Variants in PODNL1 observed in about 807,000 individuals in gnomAD.
The protein encoded by PODNL1 is podocan like 1.
PODNL1 carries 50 observed loss-of-function variants against 45.1 expected under a neutral mutation model. That is an observed-to-expected ratio of 1.11 (90% CI 0.88 to 1.40). The LOEUF (loss-of-function observed/expected upper bound fraction) is 1.40. Ranked by LOEUF, PODNL1 falls within the 40% of genes most tolerant of loss-of-function variation. The pLI is 0.00. For missense variants in PODNL1, 788 were observed against 793.3 expected (o/e 0.99, Z 0.08); for synonymous variants, 406 against 372.5 (o/e 1.09, Z -1.04).
chr19:13,946,861 G>A (rs1166656446), intron 1 of PODNL1, among the ~76,000 whole-genome samples: 1 of 151,744 alleles, frequency 6.6e-6, no homozygotes, highest in African/African-American at 2.4e-5. Flanking sequence ...GACCATCCTG[G>A]CTAACATGGT....
upstream of PODNL1, among the ~76,000 whole-genome samples, chr19:13,941,363 CAA>C (rs775513538): frequency 3.9e-4 from 21 of 53,312 alleles, no homozygotes; most frequent in Middle Eastern, 0.022. Context: ...GACTCCGTCT[CAA>C]AAAAAAAAAA....
intron 1 of PODNL1, among the ~76,000 whole-genome samples, chr19:13,949,948 C>G (rs1298521818): frequency 6.6e-6 from 1 of 151,952 alleles, no homozygotes; most frequent in African/African-American, 2.4e-5. Context: ...GAAACCTCCA[C>G]CTCCCAGGTT....
At chr19:13,947,133 C>T (rs1972846140) in intron 1 of PODNL1, among the ~76,000 whole-genome samples, 1 of 139,748 alleles carries the variant, frequency 7.2e-6, no homozygotes, top group Admixed American at 7.7e-5. Context: ...TGCACCACTG[C>T]ACTCTAGCCT....
At chr19:13,947,387 A>G (rs1972858155) in intron 1 of PODNL1, among the ~76,000 whole-genome samples, 1 of 151,582 alleles carries the variant, frequency 6.6e-6, no homozygotes, top group Non-Finnish European at 1.5e-5. Flanking sequence ...AGGCTGACGC[A>G]GGAGAATCAC....
chr19:13,947,097 A>AGCCTGGTCAACAT, intron 1 of PODNL1, among the ~76,000 whole-genome samples: 1 of 140,856 alleles, frequency 7.1e-6, no homozygotes, highest in African/African-American at 2.6e-5. Context: ...TAATTGTTGT[A>AGCCTGGTCAACAT]GGCGGAGGTT....
intron 1 of PODNL1, chr19:13,952,661 G>T: frequency 1.6e-6 from 2 of 1,288,152 alleles, no homozygotes; most frequent in Non-Finnish European, 2.0e-6. Flanking sequence ...CCTGGAGCCG[G>T]AGTGGGGAGC....
rs901266235 is a variant in PODNL1 at position 13,937,699 on chromosome 19, G to A, written c.225+86C>T. On this transcript the variant is annotated intron_variant, in intron 2 of 9. Coordinates refer to ENST00000588872, the MANE Select transcript of PODNL1 (RefSeq NM_001370095.3). ...CAAGTGTGTTCCTATACCCCACCACGCTCCTCAGCTCTGGGGCACCCCTCC... is the reference window on the plus strand; with the variant it reads ...CAAGTGTGTTCCTATACCCCACCACACTCCTCAGCTCTGGGGCACCCCTCC... The A allele has an allele frequency of 1.3e-5, 16 of 1,266,948 alleles. No homozygotes were observed. The African/African-American group carries it at 1.3e-4, about 11-fold the overall frequency. 78.5% of individuals were successfully genotyped at this position (1,266,948 alleles called of 1,614,324 possible).
intron 1 of PODNL1, among the ~76,000 whole-genome samples, chr19:13,947,010 C>T (rs150172440): frequency 2.1e-5 from 3 of 144,868 alleles, no homozygotes; most frequent in African/African-American, 7.7e-5. Context: ...ATGATCACAC[C>T]ACTGCACTCC....
upstream of PODNL1, among the ~76,000 whole-genome samples, chr19:13,942,290 AC>A (rs1972680338): frequency 6.6e-6 from 1 of 152,050 alleles, no homozygotes; most frequent in African/African-American, 2.4e-5. Context: ...TGAACTCTGA[AC>A]TCTACTTGCA....
intron 1 of PODNL1, among the ~76,000 whole-genome samples, chr19:13,948,942 GAA>G (rs554640847): frequency 4.8e-5 from 6 of 126,194 alleles, no homozygotes; most frequent in Admixed American, 8.1e-5. Context: ...CTCTGTCTCA[GAA>G]AAAAAAAAAA....
intron 5 of PODNL1, 103 bp from the exon 6 acceptor site, chr19:13,934,513 G>C: frequency 9.1e-7 from 1 of 1,100,788 alleles, no homozygotes; most frequent in Non-Finnish European, 1.2e-6. Flanking sequence ...GTGTGTGTGT[G>C]TGTGTGTGTG....
rs767618376 is a variant in PODNL1, at chr19:13,934,498, A to AGTGTGTGT, written c.495-96_495-89dup. The AGTGTGTGT allele has an allele frequency of 6.0e-4, 591 of 980,336 alleles. 1 individual carries two copies. The highest frequency in any genetic ancestry group is 4.6e-3 in the African/African-American group (267 of 57,590). The allele number at this position is 980,336 out of a possible 1,614,324, so 60.7% of individuals were successfully genotyped here. The stretch of plus-strand genomic sequence containing the variant: ...CCACACCCTGCTCAGGGTCGCCTTC[A>AGTGTGTGT]GTGTGTGTGTGTGTGTGTGTGTGTG... On this transcript the variant is annotated intron_variant, in intron 5 of 9. Coordinates refer to ENST00000588872, the MANE Select transcript of PODNL1 (RefSeq NM_001370095.3).
chr19:13,936,362 C>CA lies in PODNL1; in HGVS notation c.319+4_319+5insT. The CA allele has an allele frequency of 6.2e-7, 1 of 1,610,730 alleles. No individual in the cohort carries two copies. The highest frequency in any genetic ancestry group is 8.5e-7 in the Non-Finnish European group (1 of 1,177,144). Reference sequence around the variant, plus strand: ...CAGAGAGGCCGCCTCCCTCTGCCCCCTCACCTTCGGAGGAGATGAGGTTGT... The same window carrying CA: ...CAGAGAGGCCGCCTCCCTCTGCCCCCATCACCTTCGGAGGAGATGAGGTTGT... On this transcript the variant is annotated splice_donor_region_variant and intron_variant, in intron 3 of 9. Transcript: ENST00000588872.
chr19:13,945,935 C>T (rs1030565850), intron 1 of PODNL1, among the ~76,000 whole-genome samples: 17 of 150,796 alleles, frequency 1.1e-4, no homozygotes, highest in Admixed American at 2.6e-4. Flanking sequence ...GTGGTGCATG[C>T]GTGTAGTTCC....
At position 13,931,668 on chromosome 19, in the gene PODNL1, G is replaced by A. The variant is rs992023876; in HGVS notation, c.*69C>T. 2.8e-5 allele frequency: 34 copies of A among 1,226,750 alleles called. No individual in the cohort carries two copies. Among genetic ancestry groups the A allele is most frequent in the African/African-American group, 4.7e-5 (3 of 64,354 alleles). The allele number at this position is 1,226,750 out of a possible 1,614,324, so 76.0% of individuals were successfully genotyped here. On this transcript the variant is annotated 3_prime_UTR_variant, in exon 10 of 10. Coordinates refer to ENST00000588872, the MANE Select transcript of PODNL1 (RefSeq NM_001370095.3). ...GCCAGACCAAGGGCCCCTGGTGGGCGTTGTCTCCTCAGTCCACGGCCCAGC... is the reference window on the plus strand; with the variant it reads ...GCCAGACCAAGGGCCCCTGGTGGGCATTGTCTCCTCAGTCCACGGCCCAGC...
At chr19:13,942,410 T>A (rs1972683765), upstream of PODNL1, among the ~76,000 whole-genome samples, 1 of 152,142 alleles carries the variant, frequency 6.6e-6, no homozygotes, top group South Asian at 2.1e-4. Flanking sequence ...TGGTCACATG[T>A]CCATCCAGAG....
Position 13,933,871 on chromosome 19 carries a change from C to T in PODNL1, c.767+7G>A, listed in dbSNP as rs768760469. On this transcript the variant is annotated splice_region_variant and intron_variant, in intron 7 of 9. Coordinates refer to ENST00000588872, the MANE Select transcript of PODNL1 (RefSeq NM_001370095.3). The surrounding 1 kb of genome is among the most constrained non-coding windows in gnomAD (Gnocchi z 5.2). ...TCAGCCCCTGCTGCCCCCCAACCAG[C>T]CTGTACCTGAAGGTGGTGGCATCCA... 3.1e-6 allele frequency: 5 copies of T among 1,593,532 alleles called. No individual in the cohort carries two copies. In the South Asian group the frequency reaches 5.7e-5, roughly 18 times the overall value.
chr19:13,950,611 C>A (rs777263626), intron 1 of PODNL1, among the ~76,000 whole-genome samples: 1 of 152,182 alleles, frequency 6.6e-6, no homozygotes, highest in Non-Finnish European at 1.5e-5. Flanking sequence ...TCCGTGATGT[C>A]AGTATGACTT....
At chr19:13,942,283 AC>A (rs1276681994), upstream of PODNL1, among the ~76,000 whole-genome samples, 1 of 151,866 alleles carries the variant, frequency 6.6e-6, no homozygotes, top group African/African-American at 2.4e-5. Flanking sequence ...TCTCTCTTGA[AC>A]TCTGAACTCT....
Sources: allele counts gnomAD v4.1 joint callset (sites outside exome capture counted in the v4.1 genomes callset), GRCh38; gene constraint gnomAD v4.1.1; non-coding constraint Gnocchi (gnomAD v3.1); transcripts MANE v1.5; gene names NCBI Gene and HGNC (gene_info 2026-07-23, HGNC 2026-07-21).